The following TENM1 variants were observed in gnomAD, a reference collection of about 807,000 sequenced individuals.
The protein encoded by TENM1 is teneurin transmembrane protein 1, also known as teneurin-1.
A neutral mutation model predicts 174.8 loss-of-function variants in TENM1; 35 were observed. That is an observed-to-expected ratio of 0.20 (90% CI 0.15 to 0.27). The LOEUF (loss-of-function observed/expected upper bound fraction) is 0.27. TENM1 is among the 10% of genes least tolerant of loss of function. TENM1 has a pLI of 1.00. For missense variants in TENM1, 1,633 were observed against 2,130.1 expected (o/e 0.77, Z 4.59); for synonymous variants, 781 against 798.7 (o/e 0.98, Z 0.37).
At chrX:124,717,136 C>T (rs770198926) in intron 4 of TENM1, among the ~76,000 whole-genome samples, 3 of 111,540 alleles carry the variant, frequency 2.7e-5, no homozygotes, top group Non-Finnish European at 3.8e-5. Context: ...GAAGTTGCTA[C>T]GGACCCATAT....
At chrX:124,926,464 T>G (rs2058092770) in intron 1 of TENM1, among the ~76,000 whole-genome samples, 1 of 111,815 alleles carries the variant, frequency 8.9e-6, no homozygotes, top group Non-Finnish European at 1.9e-5. Context: ...TACCCTGTTT[T>G]ATTATTTTTT....
At chrX:125,170,705 A>G in the TENM1 span, among the ~76,000 whole-genome samples, 1 of 111,239 alleles carries the variant, frequency 9.0e-6, no homozygotes, top group Non-Finnish European at 1.9e-5. Flanking sequence ...TCAAGGGTGT[A>G]TACCCTCTAG....
intron 3 of TENM1, among the ~76,000 whole-genome samples, chrX:124,783,074 C>T (rs1054068079): frequency 2.7e-5 from 3 of 111,243 alleles, no homozygotes; most frequent in African/African-American, 6.5e-5. Context: ...CAGAAAAGTT[C>T]GTTCATAAAA....
the TENM1 span, among the ~76,000 whole-genome samples, chrX:125,128,900 C>T: frequency 5.4e-5 from 6 of 110,849 alleles, no homozygotes; most frequent in Non-Finnish European, 1.1e-4. Flanking sequence ...TTGTGTTTCC[C>T]CCAAATTCAT....
chrX:124,421,815 C>G (rs942688698), intron 24 of TENM1, among the ~76,000 whole-genome samples: 1 of 111,560 alleles, frequency 9.0e-6, no homozygotes, highest in African/African-American at 3.3e-5. Context: ...TGCTTTTAAT[C>G]TGAAAACCAA....
intron 8 of TENM1, among the ~76,000 whole-genome samples, chrX:124,648,555 TATC>T (rs1267623215): frequency 4.4e-5 from 5 of 112,366 alleles, no homozygotes; most frequent in African/African-American, 1.6e-4. Flanking sequence ...AAACACTAGT[TATC>T]ATCAGAAAAT....
the TENM1 span, among the ~76,000 whole-genome samples, chrX:125,196,881 T>A: frequency 1.8e-5 from 2 of 111,667 alleles, no homozygotes; most frequent in Non-Finnish European, 3.8e-5. Context: ...CCATCTGCAG[T>A]ATCTCTTTCT....
At chrX:124,444,357 C>T (rs775617096) in intron 23 of TENM1, among the ~76,000 whole-genome samples, 15 of 112,091 alleles carry the variant, frequency 1.3e-4, no homozygotes, top group South Asian at 1.1e-3. Flanking sequence ...ATGAGAGACA[C>T]GTGAATTTTT....
At chrX:124,882,848 GC>G (rs2057323667) in intron 3 of TENM1, among the ~76,000 whole-genome samples, 1 of 111,424 alleles carries the variant, frequency 9.0e-6, no homozygotes, top group Non-Finnish European at 1.9e-5. Flanking sequence ...GGGCAGTATG[GC>G]CATTTTAACA....
At chrX:124,427,136 C>A (rs1171338711) in intron 23 of TENM1, among the ~76,000 whole-genome samples, 3 of 111,979 alleles carry the variant, frequency 2.7e-5, no homozygotes, top group Non-Finnish European at 5.6e-5. Context: ...GTCAGTGACC[C>A]AGAAAAAACA....
chrX:125,041,635 T>A, the TENM1 span, among the ~76,000 whole-genome samples: 1 of 112,207 alleles, frequency 8.9e-6, no homozygotes, highest in Non-Finnish European at 1.9e-5. Context: ...AATGGATCAT[T>A]TAATCTTCTC....
chrX:124,719,853 TATC>T (rs2053270361), intron 4 of TENM1, among the ~76,000 whole-genome samples: 1 of 112,257 alleles, frequency 8.9e-6, no homozygotes, highest in African/African-American at 3.2e-5. Flanking sequence ...AGAAAACAAA[TATC>T]ATCACGGATT....
At chrX:124,764,404 G>A (rs1336159118) in intron 3 of TENM1, among the ~76,000 whole-genome samples, 1 of 111,487 alleles carries the variant, frequency 9.0e-6, no homozygotes, top group African/African-American at 3.3e-5. Context: ...TCTGGGTATA[G>A]TGTTTAGGGA....
chrX:125,102,240 T>C, the TENM1 span, among the ~76,000 whole-genome samples: 2 of 109,324 alleles, frequency 1.8e-5, no homozygotes, highest in African/African-American at 6.7e-5. Context: ...CCTTTTTTTT[T>C]TTTTTTTCCA....
intron 3 of TENM1, among the ~76,000 whole-genome samples, chrX:124,772,910 A>T (rs189834325): frequency 8.9e-6 from 1 of 111,881 alleles, no homozygotes; most frequent in African/African-American, 3.2e-5. Flanking sequence ...CAGGAACACA[A>T]ACCTTCTTAA....
At chrX:124,477,197 T>C (rs1385960788) in intron 22 of TENM1, among the ~76,000 whole-genome samples, 1 of 103,881 alleles carries the variant, frequency 9.6e-6, no homozygotes, top group Non-Finnish European at 1.9e-5. Flanking sequence ...GTGAAGTTTC[T>C]AATTACAGAA....
At chrX:124,757,224 C>G (rs2054279568) in intron 3 of TENM1, among the ~76,000 whole-genome samples, 1 of 112,567 alleles carries the variant, frequency 8.9e-6, no homozygotes, top group Non-Finnish European at 1.9e-5. Flanking sequence ...AGCCTCGCTG[C>G]CACCTTGCAG....
chrX:125,188,621 A>G, the TENM1 span, among the ~76,000 whole-genome samples: 1 of 111,923 alleles, frequency 8.9e-6, no homozygotes, highest in Non-Finnish European at 1.9e-5. Context: ...TAAATGCCAT[A>G]TTTAAAATGT....
chrX:124,631,248 A>AT (rs764945643), intron 11 of TENM1, among the ~76,000 whole-genome samples: 49 of 111,858 alleles, frequency 4.4e-4, no homozygotes, highest in African/African-American at 1.3e-3. Context: ...AATGAGGCAT[A>AT]TTTTTTTTAA....
Sources: allele counts gnomAD v4.1 joint callset (sites outside exome capture counted in the v4.1 genomes callset), GRCh38; gene constraint gnomAD v4.1.1; transcripts MANE v1.5; gene names NCBI Gene and HGNC (gene_info 2026-07-23, HGNC 2026-07-21).